The following MADD variants were observed in gnomAD, a reference collection of about 807,000 sequenced individuals.
The protein encoded by MADD is MAP kinase-activating death domain protein.
MADD carries 109 observed loss-of-function variants against 176.7 expected under a neutral mutation model. The observed-to-expected ratio is 0.62, with a 90% CI of 0.53 to 0.72. The LOEUF (loss-of-function observed/expected upper bound fraction) is 0.72, where lower values mean the gene tolerates loss of function less well. MADD is among the 30% of genes least tolerant of loss of function. The probability of loss-of-function intolerance (pLI) is 0.00; values close to 1 mark genes in which losing one functional copy is unlikely to be tolerated. For missense variants in MADD, 1,914 were observed against 2,045.5 expected (o/e 0.94, Z 1.24); for synonymous variants, 771 against 771.3 (o/e 1.00, Z 0.01).
chr11:47,282,362 T>A lies in MADD; in HGVS notation c.1470-19T>A. The A allele has an allele frequency of 1.9e-6, 3 of 1,601,540 alleles. No individual in the cohort carries two copies. The highest frequency in any genetic ancestry group is 2.6e-6 in the Non-Finnish European group (3 of 1,168,536). ...CTTACCCTATGGGTCTCAGATTATCTCATCATCTGCTTCCCCAGGGTTGCC... is the reference window on the plus strand; with the variant it reads ...CTTACCCTATGGGTCTCAGATTATCACATCATCTGCTTCCCCAGGGTTGCC... On this transcript the variant is annotated intron_variant, in intron 8 of 32. Transcript: ENST00000402192.
chr11:47,309,668 T>TG lies in MADD; in HGVS notation c.3978+56_3978+57insG, dbSNP rs1456412996. 5.2e-5 allele frequency: 71 copies of TG among 1,360,204 alleles called. No individual in the cohort carries two copies. The Middle Eastern group carries it at 6.5e-3, about 125-fold the overall frequency. 84.3% of individuals were successfully genotyped at this position (1,360,204 alleles called of 1,614,324 possible). A position where few individuals can be genotyped will look rare whatever the true frequency, so the allele number is the denominator to read the frequency against. On this transcript the variant is annotated intron_variant, in intron 25 of 32. Coordinates refer to ENST00000402192, the Ensembl canonical transcript of MADD. ...CTGATCCTAGAGGGGCAAGGCTTGT[T>TG]CCTGTCGCCTAAATTTCGGGGTAGC...
At chr11:47,275,803 C>A in intron 3 of MADD, 96 bp from the exon 4 acceptor site, 1 of 1,199,116 alleles carries the variant, frequency 8.3e-7, no homozygotes, top group Non-Finnish European at 1.2e-6. Flanking sequence ...CTCCGTTTCC[C>A]ATTGTCATCA....
chr11:47,275,333 C>T (rs2048670585), intron 3 of MADD, among the ~76,000 whole-genome samples, 174 bp downstream of exon 3: 1 of 152,166 alleles, frequency 6.6e-6, no homozygotes, highest in Non-Finnish European at 1.5e-5. Context: ...GCTCTGTTGC[C>T]CAGGCTGGAG....
chr11:47,327,357 C>T (rs1285534478), intron 31 of MADD: 1 of 985,310 alleles, frequency 1.0e-6, no homozygotes, highest in Non-Finnish European at 1.2e-6. Context: ...AGTGGGTTCT[C>T]ACCCTGGGGC....
chr11:47,296,848 C>T (rs925135576), intron 22 of MADD, among the ~76,000 whole-genome samples: 4 of 149,104 alleles, frequency 2.7e-5, no homozygotes, highest in African/African-American at 9.9e-5. Context: ...CTCAACTGCT[C>T]ACTGCAGCTT....
chr11:47,316,385 CTTTTTT>C (rs1008702414), intron 27 of MADD, among the ~76,000 whole-genome samples: 3 of 130,222 alleles, frequency 2.3e-5, no homozygotes, highest in African/African-American at 5.6e-5. Flanking sequence ...TTTTCTTTTT[CTTTTTT>C]TTTTTTTTTT....
At chr11:47,324,984 G>T in intron 30 of MADD, 1 of 570,254 alleles carries the variant, frequency 1.8e-6, no homozygotes, top group South Asian at 2.1e-5. Context: ...TGTCTTTCTG[G>T]TGTGCGTGCA....
chr11:47,297,017 TC>T (rs1238463879), intron 22 of MADD, among the ~76,000 whole-genome samples: 1 of 152,142 alleles, frequency 6.6e-6, no homozygotes, highest in African/African-American at 2.4e-5. Context: ...TAAGTGAGCC[TC>T]CTGCCTTGGC....
At chr11:47,272,165 C>G (rs1056982860) in intron 1 of MADD, 1 of 152,180 alleles carries the variant, frequency 6.6e-6, no homozygotes, top group Admixed American at 6.6e-5. Context: ...TCTGGAGTAG[C>G]AGCTGCTAGC....
Position 47,324,582 on chromosome 11 carries a change from G to C in MADD, c.4542+5G>C. ...CTCAAATTCATGCACAATCAGGTAGGTGCGAGCGGCAGCACGAGGCTCCCT... is the reference window on the plus strand; with the variant it reads ...CTCAAATTCATGCACAATCAGGTAGCTGCGAGCGGCAGCACGAGGCTCCCT... On this transcript the variant is annotated splice_donor_5th_base_variant and intron_variant, in intron 30 of 32. Transcript: ENST00000402192. The C allele has an allele frequency of 6.2e-7, 1 of 1,604,910 alleles. No individual in the cohort carries two copies. The highest frequency in any genetic ancestry group is 1.7e-5 in the Admixed American group (1 of 59,998).
In MADD at chr11:47,286,542, C is replaced by T; in HGVS notation, c.2653+8C>T. ...CCTTCCCCAGTCTGAAAGGTAACTA[C>T]AGCCTTCCTTTTGCCAAGCCAGGTT... On this transcript the variant is annotated splice_region_variant and intron_variant, in intron 15 of 32. Transcript: ENST00000402192. The T allele has an allele frequency of 3.1e-6, 5 of 1,606,372 alleles. No individual in the cohort carries two copies. Among genetic ancestry groups the T allele is most frequent in the Non-Finnish European group, 4.3e-6 (5 of 1,173,130 alleles).
At chr11:47,294,529 G>A (rs1031972201) in intron 20 of MADD, among the ~76,000 whole-genome samples, 1 of 151,630 alleles carries the variant, frequency 6.6e-6, no homozygotes, top group Admixed American at 6.6e-5. Context: ...AGTTAGCTGG[G>A]TGTGGTGGCG....
chr11:47,277,607 T>C (rs2051484961), intron 5 of MADD, among the ~76,000 whole-genome samples: 1 of 152,238 alleles, frequency 6.6e-6, no homozygotes, highest in South Asian at 2.1e-4. Flanking sequence ...TCTTTCTACA[T>C]ATATTTGGCT....
chr11:47,285,684 A>G, intron 14 of MADD, 94 bp downstream of exon 14: 1 of 1,558,478 alleles, frequency 6.4e-7, no homozygotes, highest in Non-Finnish European at 8.8e-7. Flanking sequence ...CTTCACATGT[A>G]GGGCTAGGTT....
intron 31 of MADD, chr11:47,327,296 T>C (rs948882251): frequency 8.0e-5 from 79 of 989,676 alleles, no homozygotes; most frequent in Middle Eastern, 5.1e-4. Flanking sequence ...CAGAGGAGTC[T>C]AGCGGGACAG....
At chr11:47,309,441 G>C (rs780724002) in intron 24 of MADD, 40 bp downstream of exon 27, 1 of 1,614,042 alleles carries the variant, frequency 6.2e-7, no homozygotes, top group Non-Finnish European at 8.5e-7. Flanking sequence ...AGCAAACTCA[G>C]CCTCCTCCCA....
At chr11:47,310,911 A>G (rs1463030517) in intron 25 of MADD, among the ~76,000 whole-genome samples, 1 of 151,322 alleles carries the variant, frequency 6.6e-6, no homozygotes, top group Non-Finnish European at 1.5e-5. Flanking sequence ...CCATCTCAAA[A>G]AAAAAAAAAA....
At chr11:47,323,929 C>T (rs1393680107) in intron 28 of MADD, 94 bp downstream of exon 31, 2 of 1,363,478 alleles carry the variant, frequency 1.5e-6, no homozygotes, top group East Asian at 2.4e-5. Context: ...AAACACACAT[C>T]TGGAGCCACA....
chr11:47,324,815 C>A, intron 30 of MADD: 1 of 666,046 alleles, frequency 1.5e-6, no homozygotes. Flanking sequence ...AGGAGCGAGG[C>A]CAGGTGGCCA....
Sources: gnomAD v4.1 joint callset for allele counts (sites outside exome capture counted in the v4.1 genomes callset) on GRCh38, gnomAD v4.1.1 for gene constraint, MANE v1.5 for transcripts, NCBI Gene and HGNC (gene_info 2026-07-23, HGNC 2026-07-21) for gene names.